The following ZBTB20 variants were observed in gnomAD, a reference collection of about 807,000 sequenced individuals.
The protein encoded by ZBTB20 is zinc finger and BTB domain containing 20.
A neutral mutation model predicts 56.9 loss-of-function variants in ZBTB20; 9 were observed. The ratio of observed to expected loss-of-function variants is 0.16; its 90% CI spans 0.10 to 0.28. ZBTB20 has a LOEUF of 0.28. Ranked by LOEUF, ZBTB20 falls within the 10% of genes least tolerant of loss-of-function variation. The probability of loss-of-function intolerance (pLI) is 1.00; values close to 1 mark genes in which losing one functional copy is unlikely to be tolerated. For missense variants in ZBTB20, 655 were observed against 1,003.0 expected (o/e 0.65, Z 4.69); for synonymous variants, 417 against 420.7 (o/e 0.99, Z 0.11).
At chr3:114,708,651 T>C (rs1485967690) in intron 5 of ZBTB20, among the ~76,000 whole-genome samples, 3 of 152,142 alleles carry the variant, frequency 2.0e-5, no homozygotes, top group Non-Finnish European at 2.9e-5. Flanking sequence ...CTTAATTACA[T>C]GAAGAAATGT....
intron 5 of ZBTB20, among the ~76,000 whole-genome samples, chr3:114,741,047 T>C (rs2066533277): frequency 6.6e-6 from 1 of 152,184 alleles, no homozygotes; most frequent in South Asian, 2.1e-4. Context: ...CTTCCTTCTG[T>C]CCAAAAATTT....
intron 7 of ZBTB20, among the ~76,000 whole-genome samples, chr3:114,405,670 T>C (rs2087249999): frequency 6.6e-6 from 1 of 152,128 alleles, no homozygotes; most frequent in Non-Finnish European, 1.5e-5. Flanking sequence ...GTGGTAAACA[T>C]AATTAGCCCA....
intron 5 of ZBTB20, among the ~76,000 whole-genome samples, chr3:114,794,045 C>G (rs1453762229): frequency 2.0e-5 from 3 of 151,730 alleles, no homozygotes. Context: ...TTTAAAAACA[C>G]CAAGCAGGAG....
intron 4 of ZBTB20, among the ~76,000 whole-genome samples, chr3:114,849,578 T>G (rs2074891975): frequency 6.6e-6 from 1 of 152,262 alleles, no homozygotes; most frequent in Non-Finnish European, 1.5e-5. Context: ...CACTAAATTA[T>G]CAAACTACTA....
intron 7 of ZBTB20, among the ~76,000 whole-genome samples, chr3:114,414,694 A>G (rs1170140778): frequency 6.7e-6 from 1 of 148,442 alleles, no homozygotes; most frequent in African/African-American, 2.4e-5. Context: ...GAAACAACGA[A>G]TACATAAAAT....
At chr3:115,030,933 G>A (rs1290851592) in intron 2 of ZBTB20, among the ~76,000 whole-genome samples, 1 of 151,226 alleles carries the variant, frequency 6.6e-6, no homozygotes, top group Non-Finnish European at 1.5e-5. Flanking sequence ...CAAAGTGTTT[G>A]GCTAAGTACC....
intron 5 of ZBTB20, among the ~76,000 whole-genome samples, chr3:114,696,801 G>C (rs907740856): frequency 2.6e-5 from 4 of 152,002 alleles, no homozygotes; most frequent in African/African-American, 9.7e-5. Flanking sequence ...GCTACAGAAA[G>C]AGCGAGAGAA....
chr3:114,942,537 CA>C (rs1379589155), intron 3 of ZBTB20, among the ~76,000 whole-genome samples: 4 of 145,466 alleles, frequency 2.7e-5, no homozygotes, highest in Non-Finnish European at 5.9e-5. Flanking sequence ...AATATCATGT[CA>C]ATCAAATTAG....
At chr3:114,735,746 TACTC>T (rs1268717168) in intron 5 of ZBTB20, among the ~76,000 whole-genome samples, 1 of 152,156 alleles carries the variant, frequency 6.6e-6, no homozygotes, top group Non-Finnish European at 1.5e-5. Context: ...TACAGATACA[TACTC>T]ATTTATTTTT....
rs138034784 is a variant in ZBTB20 at position 114,525,744 on chromosome 3, G to A, written c.-294-25353C>T. ...ACTAACACAGTGTAGGGCAGATAACGGGTATTCAAAAAATACTATGGCCTC... is the reference window on the plus strand; with the variant it reads ...ACTAACACAGTGTAGGGCAGATAACAGGTATTCAAAAAATACTATGGCCTC... On this transcript the variant is annotated intron_variant, in intron 6 of 11. Coordinates refer to ENST00000675478, the MANE Select transcript of ZBTB20 (RefSeq NM_001348800.3). 2.5e-3 allele frequency among the ~76,000 whole-genome samples: 379 copies of A among 152,132 alleles called. 2 individuals are homozygous for A. The East Asian group carries it at 0.03, about 12-fold the overall frequency.
intron 6 of ZBTB20, among the ~76,000 whole-genome samples, chr3:114,680,391 A>T (rs1191934877): frequency 6.6e-6 from 1 of 152,216 alleles, no homozygotes; most frequent in East Asian, 1.9e-4. Context: ...TTTATTTTGA[A>T]GCTATTTATC....
At chr3:114,367,575 A>G (rs529836939) in intron 10 of ZBTB20, among the ~76,000 whole-genome samples, 1 of 152,268 alleles carries the variant, frequency 6.6e-6, no homozygotes, top group South Asian at 2.1e-4. Context: ...TCTCTTATTG[A>G]CTAGAATGCA....
chr3:114,812,015 G>A (rs1350594429), intron 4 of ZBTB20, among the ~76,000 whole-genome samples: 1 of 152,212 alleles, frequency 6.6e-6, no homozygotes, highest in African/African-American at 2.4e-5. Flanking sequence ...TGGGTTTGTG[G>A]TCTCGCTGGC....
At chr3:114,553,149 A>G (rs1222243466) in intron 6 of ZBTB20, among the ~76,000 whole-genome samples, 6 of 152,154 alleles carry the variant, frequency 3.9e-5, no homozygotes, top group Non-Finnish European at 8.8e-5. Context: ...AGACTTCATG[A>G]TAAGACTTCC....
intron 10 of ZBTB20, among the ~76,000 whole-genome samples, chr3:114,367,552 C>T (rs1021801354): frequency 1.3e-5 from 2 of 152,150 alleles, no homozygotes; most frequent in Admixed American, 6.5e-5. Context: ...AGCCACCATG[C>T]CCAGCGTGAA....
chr3:114,498,897 G>A (rs2043610926), intron 7 of ZBTB20, among the ~76,000 whole-genome samples: 2 of 152,144 alleles, frequency 1.3e-5, no homozygotes, highest in Admixed American at 6.5e-5. Flanking sequence ...TAGCACTGAC[G>A]TCACAATAGC....
intron 7 of ZBTB20, among the ~76,000 whole-genome samples, chr3:114,456,362 G>T (rs72950688): frequency 0.052 from 7,844 of 152,114 alleles, 673 homozygotes; most frequent in African/African-American, 0.18. Flanking sequence ...GCTAATGAAG[G>T]CTAGTGGTTT....
intron 1 of ZBTB20, among the ~76,000 whole-genome samples, chr3:115,091,899 G>A (rs1190126054): frequency 6.6e-6 from 1 of 151,938 alleles, no homozygotes; most frequent in East Asian, 1.9e-4. Flanking sequence ...TACAAACAAT[G>A]GCAATACAAT....
intron 5 of ZBTB20, among the ~76,000 whole-genome samples, chr3:114,792,772 T>C (rs1302045664): frequency 6.6e-6 from 1 of 152,208 alleles, no homozygotes; most frequent in Admixed American, 6.5e-5. Flanking sequence ...TGTCCTGGTT[T>C]TACCAAGGGA....
Sources: allele counts gnomAD v4.1 joint callset (sites outside exome capture counted in the v4.1 genomes callset), GRCh38; gene constraint gnomAD v4.1.1; transcripts MANE v1.5; gene names NCBI Gene and HGNC (gene_info 2026-07-23, HGNC 2026-07-21).